The following BRMS1L variants were observed in gnomAD, a reference collection of about 807,000 sequenced individuals.
BRMS1L encodes breast cancer metastasis-suppressor 1-like protein.
Under a neutral mutation model 50.3 loss-of-function variants are expected in BRMS1L, and 23 were observed. That is an observed-to-expected ratio of 0.46 (90% CI 0.33 to 0.65). BRMS1L has a LOEUF of 0.65. Ranked by LOEUF, BRMS1L falls within the 30% of genes least tolerant of loss-of-function variation. The pLI is 0.02. For missense variants in BRMS1L, 286 were observed against 386.1 expected (o/e 0.74, Z 2.17); for synonymous variants, 114 against 126.9 (o/e 0.90, Z 0.69).
At chr14:35,851,235 C>A in intron 4 of BRMS1L, among the ~76,000 whole-genome samples, 1 of 152,146 alleles carries the variant, frequency 6.6e-6, no homozygotes, top group East Asian at 1.9e-4. Flanking sequence ...TAAGGTGAAA[C>A]CGCACAGGTG....
At chr14:35,837,303 A>G (rs2078007781) in intron 4 of BRMS1L, among the ~76,000 whole-genome samples, 1 of 151,878 alleles carries the variant, frequency 6.6e-6, no homozygotes, top group Non-Finnish European at 1.5e-5. Flanking sequence ...TTTTGTGTAT[A>G]TGGATAGGTA....
In BRMS1L at chr14:35,871,510, A is replaced by T. The variant is rs2078491350; in HGVS notation, c.*1033A>T. 1.3e-5 allele frequency: 2 copies of T among 152,686 alleles called. No homozygotes were observed. Among genetic ancestry groups the T allele is most frequent in the Non-Finnish European group, 2.9e-5 (2 of 68,042 alleles). 9.5% of individuals were successfully genotyped at this position (152,686 alleles called of 1,614,324 possible). A position where few individuals can be genotyped will look rare whatever the true frequency, so the allele number is the denominator to read the frequency against. On this transcript the variant is annotated 3_prime_UTR_variant, in exon 10 of 10. Coordinates refer to ENST00000216807, the MANE Select transcript of BRMS1L (RefSeq NM_032352.4). ...CAAAATTAACTTCCAAAACCTCAGG[A>T]ACAGTACAAAGAATTGAAACCCTCA...
intron 4 of BRMS1L, among the ~76,000 whole-genome samples, chr14:35,861,823 A>G (rs1339650610): frequency 6.6e-6 from 1 of 152,240 alleles, no homozygotes; most frequent in Non-Finnish European, 1.5e-5. Flanking sequence ...CATATCTGCT[A>G]TATCCAATTA....
intron 4 of BRMS1L, among the ~76,000 whole-genome samples, chr14:35,847,814 C>G (rs2078157070): frequency 6.6e-6 from 1 of 152,222 alleles, no homozygotes; most frequent in Admixed American, 6.5e-5. Flanking sequence ...GTATCATCCA[C>G]TATTTTCCTC....
chr14:35,854,604 C>T (rs541765578), intron 4 of BRMS1L, among the ~76,000 whole-genome samples: 14 of 152,278 alleles, frequency 9.2e-5, no homozygotes, highest in Admixed American at 5.9e-4. Context: ...GTCTCTGTTC[C>T]ATTTTCTCTA....
At chr14:35,858,578 C>G (rs1335511296) in intron 4 of BRMS1L, 3 of 152,194 alleles carry the variant, frequency 2.0e-5, no homozygotes, top group Admixed American at 6.5e-5. Context: ...ATTTTGCAGT[C>G]TCAGTGGCCA....
chr14:35,839,581 C>T (rs1037838597), intron 4 of BRMS1L, among the ~76,000 whole-genome samples: 1 of 152,078 alleles, frequency 6.6e-6, no homozygotes, highest in Non-Finnish European at 1.5e-5. Flanking sequence ...TTAAGAGGTC[C>T]TTCACATCCC....
chr14:35,862,442 T>A, intron 4 of BRMS1L, 148 bp from the exon 5 acceptor site: 1 of 359,648 alleles, frequency 2.8e-6, no homozygotes, highest in Non-Finnish European at 5.1e-6. Flanking sequence ...TTTCATGTAT[T>A]TGACATTTCT....
chr14:35,841,605 C>G (rs937196371), intron 4 of BRMS1L, among the ~76,000 whole-genome samples: 4 of 152,272 alleles, frequency 2.6e-5, no homozygotes, highest in Admixed American at 6.5e-5. Context: ...GCTATGTGGT[C>G]AATTTTATAA....
At chr14:35,855,688 T>G (rs1055572194) in intron 4 of BRMS1L, among the ~76,000 whole-genome samples, 2 of 152,182 alleles carry the variant, frequency 1.3e-5, no homozygotes, top group Non-Finnish European at 2.9e-5. Flanking sequence ...AACATGTTAA[T>G]CTGTTTTAAA....
intron 4 of BRMS1L, among the ~76,000 whole-genome samples, chr14:35,840,762 CTTT>C (rs1296823885): frequency 6.6e-6 from 1 of 152,068 alleles, no homozygotes; most frequent in Non-Finnish European, 1.5e-5. Flanking sequence ...CTCTTTTCTT[CTTT>C]ATTAGTCTGG....
At chr14:35,860,246 C>T (rs1482927778) in intron 4 of BRMS1L, among the ~76,000 whole-genome samples, 1 of 152,094 alleles carries the variant, frequency 6.6e-6, no homozygotes, top group Non-Finnish European at 1.5e-5. Context: ...TCTAGTGCCT[C>T]AGCCTCCTGA....
intron 4 of BRMS1L, among the ~76,000 whole-genome samples, chr14:35,837,286 T>G (rs2078007650): frequency 6.6e-6 from 1 of 152,086 alleles, no homozygotes. Context: ...TGGTTCTAAT[T>G]TTATTTTTTT....
chr14:35,829,583 G>A (rs1007482833), intron 1 of BRMS1L, among the ~76,000 whole-genome samples: 1 of 152,154 alleles, frequency 6.6e-6, no homozygotes, highest in Non-Finnish European at 1.5e-5. Flanking sequence ...TCAAATGTTG[G>A]TGCTGAGCAA....
intron 1 of BRMS1L, 147 bp from the exon 2 acceptor site, chr14:35,831,263 T>A: frequency 1.7e-6 from 1 of 596,032 alleles, no homozygotes; most frequent in Non-Finnish European, 3.0e-6. Context: ...TTGATAAATC[T>A]TGTTTATTTT....
At chr14:35,854,388 C>T (rs2078252927) in intron 4 of BRMS1L, among the ~76,000 whole-genome samples, 1 of 152,196 alleles carries the variant, frequency 6.6e-6, no homozygotes. Flanking sequence ...ACAGTCTGTG[C>T]TTAAGAGCAA....
intron 9 of BRMS1L, among the ~76,000 whole-genome samples, chr14:35,868,608 C>G (rs185678762): frequency 1.3e-5 from 2 of 151,980 alleles, no homozygotes; most frequent in Non-Finnish European, 2.9e-5. Flanking sequence ...TTGGCAAGAC[C>G]CTGTCTCTAC....
At chr14:35,833,892 G>A (rs992504898) in intron 3 of BRMS1L, among the ~76,000 whole-genome samples, 1 of 152,072 alleles carries the variant, frequency 6.6e-6, no homozygotes, top group Non-Finnish European at 1.5e-5. Flanking sequence ...ATTTTTGAGT[G>A]CTTAATATTA....
At chr14:35,839,253 A>G (rs1221081673) in intron 4 of BRMS1L, among the ~76,000 whole-genome samples, 1 of 152,200 alleles carries the variant, frequency 6.6e-6, no homozygotes, top group African/African-American at 2.4e-5. Flanking sequence ...TACCAGTACC[A>G]TGCTGTTCTG....
Sources: gnomAD v4.1 joint callset for allele counts (sites outside exome capture counted in the v4.1 genomes callset) on GRCh38, gnomAD v4.1.1 for gene constraint, MANE v1.5 for transcripts, NCBI Gene and HGNC (gene_info 2026-07-23, HGNC 2026-07-21) for gene names.